The following ITPR1 variants were observed in gnomAD, a reference collection of about 807,000 sequenced individuals.
ITPR1 encodes inositol 1,4,5-trisphosphate receptor type 1.
In ITPR1, 96 loss-of-function variants were observed where a neutral mutation model predicts 318.4. That is an observed-to-expected ratio of 0.30 (90% CI 0.26 to 0.36). ITPR1 has a LOEUF of 0.36. Among genes scored for constraint, ITPR1 ranks in the 10% least tolerant of loss-of-function variants. The pLI is 1.00. For synonymous variants in ITPR1, 1,312 were observed against 1,289.9 expected, an observed-to-expected ratio of 1.02 and a Z score of -0.37; for missense variants, 2,440 against 3,460.2, an observed-to-expected ratio of 0.71 and a Z score of 7.40.
At chr3:4,739,319 G>A (rs1298795347) in intron 44 of ITPR1, among the ~76,000 whole-genome samples, 1 of 152,196 alleles carries the variant, frequency 6.6e-6, no homozygotes, top group Non-Finnish European at 1.5e-5. Flanking sequence ...GTCACTTCCT[G>A]TTCGGTGCAC....
rs1426792994 is a variant in ITPR1, at chr3:4,645,636, G to A, written c.763G>A (p.Glu255Lys). 1.2e-6 allele frequency: 2 copies of A among 1,613,220 alleles called. No homozygotes were observed. The highest frequency in any genetic ancestry group is 1.7e-6 in the Non-Finnish European group (2 of 1,179,588). ...AEQEKFLTCDEHRKKQHVFLR... is the reference protein window; with the variant it reads ...AEQEKFLTCDKHRKKQHVFLR... The stretch of plus-strand genomic sequence containing the variant: ...GCAGGAGAAGTTTCTCACCTGTGAC[G>A]AACACAGGAAGAAGCAGCACGTCTT... Residue 255 changes from glutamate to lysine, a missense_variant, in exon 10 of 62, where the codon GAA (glutamate) becomes AAA (lysine). Around this residue, in one of 23 missense-constraint regions of ITPR1, gnomAD observed 186 missense variants for 323.9 expected, o/e 0.57. Coordinates refer to ENST00000649015, the MANE Select transcript of ITPR1 (RefSeq NM_001378452.1).
chr3:4,621,402 C>T (rs2092626964), intron 4 of ITPR1, among the ~76,000 whole-genome samples: 1 of 152,160 alleles, frequency 6.6e-6, no homozygotes, highest in African/African-American at 2.4e-5. Flanking sequence ...ATGAGCACAG[C>T]ACCAAAGAGG....
chr3:4,840,083 T>TTTAAAAGGAAGTAGTCAGTGTTTTC (rs1400722738), intron 61 of ITPR1, among the ~76,000 whole-genome samples: 2 of 148,804 alleles, frequency 1.3e-5, no homozygotes, highest in Non-Finnish European at 3.0e-5. Context: ...ATTTGCATCT[T>TTTAAAAGGAAGTAGTCAGTGTTTTC]TTAAAAGGAA....
At chr3:4,785,327 C>G (rs1167580879) in intron 51 of ITPR1, among the ~76,000 whole-genome samples, 3 of 152,206 alleles carry the variant, frequency 2.0e-5, no homozygotes, top group Non-Finnish European at 2.9e-5. Flanking sequence ...ACACAGACTT[C>G]TCTCTACAGG....
At chr3:4,496,314 C>CGTGT (rs2080560710) in intron 2 of ITPR1, among the ~76,000 whole-genome samples, 1 of 89,630 alleles carries the variant, frequency 1.1e-5, no homozygotes, top group African/African-American at 5.5e-5. Context: ...CTTTCAAGTT[C>CGTGT]ATGTGTGTGT....
intron 12 of ITPR1, among the ~76,000 whole-genome samples, chr3:4,654,641 G>A (rs995149484): frequency 2.0e-5 from 3 of 152,198 alleles, no homozygotes; most frequent in Non-Finnish European, 4.4e-5. Flanking sequence ...GTGTCTACAC[G>A]ATGATCTCAG....
chr3:4,610,178 C>G (rs926001429), intron 4 of ITPR1, among the ~76,000 whole-genome samples: 2 of 152,146 alleles, frequency 1.3e-5, no homozygotes, highest in African/African-American at 4.8e-5. Context: ...CCAGTGGATC[C>G]TGCAAAGCTC....
chr3:4,766,825 A>G (rs764507608), intron 45 of ITPR1, 115 bp downstream of exon 45: 4 of 795,988 alleles, frequency 5.0e-6, no homozygotes, highest in Non-Finnish European at 7.5e-6. Context: ...GGGAGCTTTC[A>G]GAAGAAATGC....
At chr3:4,819,401 T>G (rs1054302572) in intron 60 of ITPR1, among the ~76,000 whole-genome samples, 11 of 152,184 alleles carry the variant, frequency 7.2e-5, no homozygotes, top group Non-Finnish European at 2.9e-5. Flanking sequence ...ATGTTAAAAT[T>G]CACATTTTGA....
intron 60 of ITPR1, chr3:4,831,030 A>C (rs187919219): frequency 2.0e-4 from 93 of 456,304 alleles, no homozygotes; most frequent in African/African-American, 1.8e-3. Flanking sequence ...TGGGAAGAAA[A>C]AAAAATACCC....
At chr3:4,751,790 T>G (rs762707549) in intron 44 of ITPR1, among the ~76,000 whole-genome samples, 2 of 152,188 alleles carry the variant, frequency 1.3e-5, no homozygotes, top group Non-Finnish European at 2.9e-5. Flanking sequence ...TTGAGACTGT[T>G]TTCTCATTAT....
chr3:4,576,377 G>C (rs767723607), intron 4 of ITPR1, among the ~76,000 whole-genome samples: 39 of 152,224 alleles, frequency 2.6e-4, no homozygotes, highest in Non-Finnish European at 3.7e-4. Flanking sequence ...CCCAGATTCT[G>C]TGGGTCTGAG....
chr3:4,743,889 C>T (rs189149816), intron 44 of ITPR1, among the ~76,000 whole-genome samples: 108 of 152,336 alleles, frequency 7.1e-4, no homozygotes, highest in Admixed American at 2.5e-3. Context: ...AGCTGGAGTG[C>T]AGTGGCGCGA....
At chr3:4,770,057 G>A (rs987903801) in intron 46 of ITPR1, among the ~76,000 whole-genome samples, 2 of 152,156 alleles carry the variant, frequency 1.3e-5, no homozygotes, top group African/African-American at 2.4e-5. Context: ...CCTTTGTGGT[G>A]GAATGTTTCC....
chr3:4,555,896 A>G (rs1057334888), intron 4 of ITPR1, among the ~76,000 whole-genome samples: 3 of 152,210 alleles, frequency 2.0e-5, no homozygotes, highest in African/African-American at 7.2e-5. Flanking sequence ...GCAGGAAGAA[A>G]TTAAACCATC....
At chr3:4,591,990 G>C (rs1330580740) in intron 4 of ITPR1, among the ~76,000 whole-genome samples, 2 of 152,174 alleles carry the variant, frequency 1.3e-5, no homozygotes, top group Admixed American at 1.3e-4. Flanking sequence ...TGTATCCTTT[G>C]AGATCAGTCT....
At chr3:4,496,021 A>C (rs1428870189) in intron 2 of ITPR1, among the ~76,000 whole-genome samples, 1 of 152,216 alleles carries the variant, frequency 6.6e-6, no homozygotes, top group African/African-American at 2.4e-5. Flanking sequence ...TAGATACTGT[A>C]ATGAGTTCAT....
At chr3:4,744,542 C>CCTAA in intron 44 of ITPR1, among the ~76,000 whole-genome samples, 1 of 152,292 alleles carries the variant, frequency 6.6e-6, no homozygotes, top group Middle Eastern at 3.4e-3. Context: ...TTGGGATTGT[C>CCTAA]CTAACTGCTT....
intron 4 of ITPR1, among the ~76,000 whole-genome samples, chr3:4,605,408 G>T (rs1396586682): frequency 6.6e-6 from 1 of 152,138 alleles, no homozygotes; most frequent in African/African-American, 2.4e-5. Flanking sequence ...GACATTGTCT[G>T]GTCAAATGAC....
Sources: allele counts gnomAD v4.1 joint callset (sites outside exome capture counted in the v4.1 genomes callset), GRCh38; gene constraint gnomAD v4.1.1; regional missense constraint gnomAD v4.1.1; transcripts MANE v1.5; gene names NCBI Gene and HGNC (gene_info 2026-07-23, HGNC 2026-07-21).